The following PRKN variants were observed in gnomAD, a reference collection of about 807,000 sequenced individuals.
PRKN encodes parkin RBR E3 ubiquitin protein ligase, also known as E3 ubiquitin-protein ligase parkin.
Under a neutral mutation model 59.5 loss-of-function variants are expected in PRKN, and 56 were observed. That is an observed-to-expected ratio of 0.94 (90% CI 0.76 to 1.18). PRKN has a LOEUF of 1.18. Ranked by LOEUF, PRKN falls within the 50% of genes most tolerant of loss-of-function variation. The pLI is 0.00. For missense variants in PRKN, 657 were observed against 596.4 expected (o/e 1.10, Z -1.06); for synonymous variants, 250 against 222.1 (o/e 1.13, Z -1.12).
intron 2 of PRKN, among the ~76,000 whole-genome samples, chr6:162,428,035 C>G (rs188187015): frequency 9.9e-5 from 15 of 152,158 alleles, no homozygotes; most frequent in African/African-American, 3.6e-4. Context: ...CATATAATTC[C>G]CATATTGTTT....
chr6:161,725,183 T>C (rs1246149070), intron 7 of PRKN, among the ~76,000 whole-genome samples: 4 of 152,222 alleles, frequency 2.6e-5, no homozygotes, highest in Admixed American at 6.5e-5. Flanking sequence ...TATTTCTTTA[T>C]AGTAATGCAG....
chr6:162,301,938 T>C (rs1398948280), intron 2 of PRKN, among the ~76,000 whole-genome samples: 1 of 152,172 alleles, frequency 6.6e-6, no homozygotes, highest in Admixed American at 6.5e-5. Context: ...ACCTACGCAA[T>C]ATTCTCATTC....
At chr6:161,675,054 G>T (rs1344942945) in intron 7 of PRKN, among the ~76,000 whole-genome samples, 1 of 152,198 alleles carries the variant, frequency 6.6e-6, no homozygotes, top group Non-Finnish European at 1.5e-5. Context: ...ACAAGGGCTT[G>T]CTCTGGTTTC....
intron 5 of PRKN, among the ~76,000 whole-genome samples, chr6:162,035,707 A>G (rs754271215): frequency 2.0e-5 from 3 of 152,220 alleles, no homozygotes; most frequent in Non-Finnish European, 4.4e-5. Context: ...TTTTCAGGGC[A>G]GAATGAGCAG....
At chr6:162,503,781 T>C (rs1793484280) in intron 1 of PRKN, among the ~76,000 whole-genome samples, 1 of 152,078 alleles carries the variant, frequency 6.6e-6, no homozygotes, top group African/African-American at 2.4e-5. Context: ...TTTCAGATAT[T>C]GAAAGGAGAG....
chr6:161,955,732 C>A (rs772993720), intron 6 of PRKN, among the ~76,000 whole-genome samples: 1 of 152,182 alleles, frequency 6.6e-6, no homozygotes, highest in African/African-American at 2.4e-5. Flanking sequence ...TGCCTGTAAT[C>A]CCAGCTACTT....
intron 7 of PRKN, among the ~76,000 whole-genome samples, chr6:161,627,416 A>G (rs759702726): frequency 7.2e-5 from 11 of 152,268 alleles, no homozygotes; most frequent in Non-Finnish European, 1.5e-4. Flanking sequence ...CATGTGATGT[A>G]CAGCCTTGGA....
rs79706016 is a variant in PRKN at position 161,644,566 on chromosome 6, C to T, written c.872-75150G>A. Among the ~76,000 whole-genome samples, 4 of 152,344 alleles carry T rather than the reference C, an allele frequency of 2.6e-5. No individual in the cohort carries two copies. The East Asian group carries it at 7.7e-4, about 29-fold the overall frequency. On this transcript the variant is annotated intron_variant, in intron 7 of 11. Transcript: ENST00000366898. ...TTTGATTCAAGTGGGCTTGTCTCAT[C>T]TCCCAGGTCCAAGTGTGGGCGCCTG...
At chr6:161,660,828 T>C (rs1164737546) in intron 7 of PRKN, among the ~76,000 whole-genome samples, 1 of 152,138 alleles carries the variant, frequency 6.6e-6, no homozygotes, top group African/African-American at 2.4e-5. Flanking sequence ...CTGACTCAGT[T>C]TGAACATCCC....
chr6:162,111,996 C>T (rs980773096), intron 4 of PRKN, among the ~76,000 whole-genome samples: 4 of 152,102 alleles, frequency 2.6e-5, no homozygotes, highest in Non-Finnish European at 4.4e-5. Context: ...TATCAGTAGC[C>T]AAGACATGAT....
chr6:162,218,985 G>C (rs1408655415), intron 3 of PRKN, among the ~76,000 whole-genome samples: 2 of 151,934 alleles, frequency 1.3e-5, no homozygotes, highest in Admixed American at 1.3e-4. Flanking sequence ...ACCAGCCCGG[G>C]CAACATGGAG....
At chr6:162,638,646 C>T (rs1181703438) in intron 1 of PRKN, among the ~76,000 whole-genome samples, 1 of 151,818 alleles carries the variant, frequency 6.6e-6, no homozygotes, top group Non-Finnish European at 1.5e-5. Flanking sequence ...GTCATTCTTC[C>T]ATAAAAAACT....
chr6:161,816,086 C>T (rs193195373), intron 6 of PRKN, among the ~76,000 whole-genome samples: 1 of 152,264 alleles, frequency 6.6e-6, no homozygotes, highest in East Asian at 1.9e-4. Context: ...TAGCCCCAAA[C>T]AGGAAGCCAC....
intron 4 of PRKN, among the ~76,000 whole-genome samples, chr6:162,132,259 A>C (rs2128308305): frequency 6.6e-6 from 1 of 152,298 alleles, no homozygotes; most frequent in Middle Eastern, 3.4e-3. Flanking sequence ...ACTCTGGGTC[A>C]TGACGGCTGG....
chr6:162,386,269 GT>G (rs1786803027), intron 2 of PRKN, among the ~76,000 whole-genome samples: 1 of 152,156 alleles, frequency 6.6e-6, no homozygotes, highest in Non-Finnish European at 1.5e-5. Context: ...AAATTTAACC[GT>G]GCCACAGTGT....
chr6:162,536,015 C>T (rs959097776), intron 1 of PRKN, among the ~76,000 whole-genome samples: 1 of 151,886 alleles, frequency 6.6e-6, no homozygotes, highest in Non-Finnish European at 1.5e-5. Context: ...ACCTTATTTA[C>T]ACATCAAACT....
chr6:161,535,515 A>T (rs1656133103), intron 9 of PRKN, among the ~76,000 whole-genome samples: 2 of 152,240 alleles, frequency 1.3e-5, no homozygotes, highest in Non-Finnish European at 2.9e-5. Flanking sequence ...TTGTCCGCTC[A>T]TCATCCATTT....
At chr6:162,403,704 A>C (rs1411935935) in intron 2 of PRKN, among the ~76,000 whole-genome samples, 1 of 152,158 alleles carries the variant, frequency 6.6e-6, no homozygotes, top group East Asian at 1.9e-4. Flanking sequence ...CCATCTGAGG[A>C]CAGAACTGGA....
At chr6:161,946,906 T>C (rs1239124401) in intron 6 of PRKN, among the ~76,000 whole-genome samples, 2 of 152,184 alleles carry the variant, frequency 1.3e-5, no homozygotes, top group Non-Finnish European at 2.9e-5. Flanking sequence ...AGGCTGTCCA[T>C]GATGTTTTAT....
Sources: gnomAD v4.1 joint callset for allele counts (sites outside exome capture counted in the v4.1 genomes callset) on GRCh38, gnomAD v4.1.1 for gene constraint, MANE v1.5 for transcripts, NCBI Gene and HGNC (gene_info 2026-07-23, HGNC 2026-07-21) for gene names.